The following MTR variants were observed in gnomAD, a reference collection of about 807,000 sequenced individuals.
MTR encodes methionine synthase.
In MTR, 84 loss-of-function variants were observed where a neutral mutation model predicts 154.8. The ratio of observed to expected loss-of-function variants is 0.54; its 90% CI spans 0.45 to 0.65. The LOEUF is 0.65. Ranked by LOEUF, MTR falls within the 30% of genes least tolerant of loss-of-function variation. The pLI is 0.00. For synonymous variants in MTR, 554 were observed against 553.9 expected (o/e 1.00, Z 0.00); for missense variants, 1,275 against 1,570.2 (o/e 0.81, Z 3.18).
intron 15 of MTR, among the ~76,000 whole-genome samples, chr1:236,841,250 A>G (rs1042706745): frequency 6.6e-6 from 1 of 152,124 alleles, no homozygotes; most frequent in Non-Finnish European, 1.5e-5. Context: ...TTCCCAATAT[A>G]GTTCATTTTA....
intron 8 of MTR, among the ~76,000 whole-genome samples, chr1:236,823,008 A>G (rs1331052657): frequency 6.6e-6 from 1 of 152,102 alleles, no homozygotes; most frequent in African/African-American, 2.4e-5. Context: ...ATTTCCCCCT[A>G]TTCCTAGTTT....
At chr1:236,879,892 G>C (rs1234893745) in intron 24 of MTR, among the ~76,000 whole-genome samples, 1 of 152,046 alleles carries the variant, frequency 6.6e-6, no homozygotes, top group Admixed American at 6.5e-5. Context: ...AGTGGCTCAT[G>C]CCTGTAATCC....
intron 14 of MTR, among the ~76,000 whole-genome samples, chr1:236,836,385 A>G (rs1662905854): frequency 6.6e-6 from 1 of 151,944 alleles, no homozygotes; most frequent in Non-Finnish European, 1.5e-5. Context: ...AGCTGGGACC[A>G]CAGGCACGCA....
At chr1:236,848,271 T>A (rs999408592) in intron 15 of MTR, among the ~76,000 whole-genome samples, 1 of 152,174 alleles carries the variant, frequency 6.6e-6, no homozygotes. Flanking sequence ...GGTAACATAC[T>A]GTTCACTTCA....
chr1:236,852,967 T>C lies in MTR; in HGVS notation c.1832T>C (p.Ile611Thr). 6.2e-7 allele frequency: 1 copy of C among 1,614,034 alleles called. No homozygotes were observed. The highest frequency in any genetic ancestry group is 1.1e-5 in the South Asian group (1 of 91,082). Residue 611 changes from isoleucine to threonine, a missense_variant, in exon 18 of 33, where the codon ATA becomes ACA. Ile to Thr is a moderately conservative substitution (Grantham distance 89). Coordinates refer to ENST00000366577, the MANE Select transcript of MTR (RefSeq NM_000254.3). ...HAIKSGMDMG[I>T]VNAGNLPVYD... ...CCTTAGTCTGGCATGGACATGGGGA[T>C]AGTGAATGCTGGAAACCTCCCTGTG...
chr1:236,897,215 A>C, intron 32 of MTR, 97 bp downstream of exon 32: 1 of 979,256 alleles, frequency 1.0e-6, no homozygotes, highest in Non-Finnish European at 1.6e-6. Flanking sequence ...AGTGAGGGGA[A>C]AGGATGAAGA....
chr1:236,875,006 G>C (rs1178607572), intron 24 of MTR, among the ~76,000 whole-genome samples, 160 bp downstream of exon 24: 1 of 152,242 alleles, frequency 6.6e-6, no homozygotes, highest in Non-Finnish European at 1.5e-5. Context: ...ACTTGGGTGA[G>C]AGCCAGAATA....
In MTR at chr1:236,889,221, T is replaced by A; in HGVS notation, c.2892T>A (p.Tyr964Ter). The change falls in exon 28 of 33, where the codon TAT becomes TAA. Residue 964 changes from tyrosine to a stop codon, truncating the protein, a stop_gained. Transcript: ENST00000366577. LOFTEE classifies it high-confidence loss of function. ...TFIGTQVFEDYDLQKLVDYID... is the reference protein window; with the variant it reads ...TFIGTQVFED ...TTGGGACCCAGGTCTTTGAAGACTA[T>A]GACCTGCAGAAGCTGGTGGACTACA... 1 of 1,614,200 alleles carries A rather than the reference T, an allele frequency of 6.2e-7. No individual in the cohort carries two copies. The highest frequency in any genetic ancestry group is 2.2e-5 in the East Asian group (1 of 44,884).
At position 236,829,273 on chromosome 1, in the gene MTR, G is replaced by C; in HGVS notation, c.1075+5G>C. The C allele has an allele frequency of 6.2e-7, 1 of 1,610,426 alleles. No individual in the cohort carries two copies. Among genetic ancestry groups the C allele is most frequent in the Non-Finnish European group, 8.5e-7 (1 of 1,176,720 alleles). On this transcript the variant is annotated splice_donor_5th_base_variant and intron_variant, in intron 12 of 32. Transcript: ENST00000366577. ...AAGGACATATGTTACTGTCTGGTGA[G>C]TCATAAAGACCTGGTATTCCTGATT...
At chr1:236,810,781 T>C (rs1173717978) in intron 5 of MTR, among the ~76,000 whole-genome samples, 186 bp downstream of exon 5, 1 of 152,214 alleles carries the variant, frequency 6.6e-6, no homozygotes, top group African/African-American at 2.4e-5. Flanking sequence ...TTAGCTATGA[T>C]GATTATTATT....
In MTR at chr1:236,840,723, C is replaced by G. The variant is rs535505302; in HGVS notation, c.1515+2124C>G. 4.5e-3 allele frequency among the ~76,000 whole-genome samples: 691 copies of G among 152,320 alleles called. 6 individuals carry two copies. The highest frequency in any genetic ancestry group is 0.016 in the African/African-American group (654 of 41,574). On this transcript the variant is annotated intron_variant, in intron 15 of 32. Transcript: ENST00000366577. The stretch of plus-strand genomic sequence containing the variant: ...TTAGTGGATTAAAACTCCATGTTTT[C>G]TGGTTGCATTGCATTCCAGTATGTT...
chr1:236,837,634 T>G (rs991034718), intron 14 of MTR, among the ~76,000 whole-genome samples: 1 of 152,232 alleles, frequency 6.6e-6, no homozygotes, highest in African/African-American at 2.4e-5. Context: ...AGCTGTGGTA[T>G]GCACCTGTAG....
intron 29 of MTR, among the ~76,000 whole-genome samples, chr1:236,893,100 G>A (rs939780325): frequency 2.0e-5 from 3 of 152,080 alleles, no homozygotes; most frequent in Non-Finnish European, 2.9e-5. Context: ...CTCTTCGAAG[G>A]TACCATGGGG....
intron 22 of MTR, among the ~76,000 whole-genome samples, chr1:236,867,978 C>T (rs1209083578): frequency 2.6e-5 from 4 of 152,098 alleles, no homozygotes; most frequent in South Asian, 2.1e-4. Flanking sequence ...ATAAACAGCA[C>T]GTAAACTTAG....
chr1:236,897,312 A>ATGCGCGCGCGCGCACGCGCG (rs1553331097), intron 32 of MTR, among the ~76,000 whole-genome samples, 194 bp downstream of exon 32: 1 of 66,180 alleles, frequency 1.5e-5, no homozygotes, highest in Admixed American at 1.4e-4. Context: ...ACACACACGC[A>ATGCGCGCGCGCGCACGCGCG]CACACACACA....
In MTR at chr1:236,826,750, C is replaced by T. The variant is rs537052349; in HGVS notation, c.928-79C>T. ...GTCTTAGTTATTCAGGAAGTATAGA[C>T]GGCTTTTATGTTGAATTGGTGGTAA... On this transcript the variant is annotated intron_variant, in intron 10 of 32. Transcript: ENST00000366577. The T allele has an allele frequency of 1.4e-3, 1,613 of 1,117,804 alleles. 2 individuals are homozygous for T. Among genetic ancestry groups the T allele is most frequent in the Non-Finnish European group, 2.0e-3 (1,422 of 728,166 alleles). 69.2% of individuals were successfully genotyped at this position (1,117,804 alleles called of 1,614,324 possible).
chr1:236,897,310 G>GCGCGCGCGCGCGCACACACACACACACA, intron 32 of MTR, among the ~76,000 whole-genome samples, 192 bp downstream of exon 32: 99 of 128,662 alleles, frequency 7.7e-4, no homozygotes, highest in African/African-American at 2.1e-3. Flanking sequence ...CCACACACAC[G>GCGCGCGCGCGCGCACACACACACACACA]CACACACACA....
chr1:236,850,245 T>C, intron 15 of MTR, 99 bp from the exon 16 acceptor site: 5 of 747,138 alleles, frequency 6.7e-6, no homozygotes, highest in Non-Finnish European at 9.2e-6. Flanking sequence ...AATATTTTAA[T>C]ATTAATATTT....
At chr1:236,861,101 T>C (rs1238286212) in intron 19 of MTR, 24 bp from the exon 20 acceptor site, 10 of 1,461,772 alleles carry the variant, frequency 6.8e-6, no homozygotes, top group Middle Eastern at 2.0e-4. Flanking sequence ...CTTTTTCTTT[T>C]TTTTTTTTTT....
Sources: allele counts gnomAD v4.1 joint callset (sites outside exome capture counted in the v4.1 genomes callset), GRCh38; gene constraint gnomAD v4.1.1; transcripts MANE v1.5; gene names NCBI Gene and HGNC (gene_info 2026-07-23, HGNC 2026-07-21).